KLHL5: variants seen among roughly 807,000 people sequenced by gnomAD.
KLHL5 encodes the protein kelch like family member 5, also known as kelch-like protein 5.
Under a neutral mutation model 77.7 loss-of-function variants are expected in KLHL5, and 48 were observed. That is an observed-to-expected ratio of 0.62 (90% confidence interval 0.49 to 0.79). The LOEUF is 0.79. Among genes scored for constraint, KLHL5 ranks in the 30% least tolerant of loss-of-function variants. The pLI is 0.00. For synonymous variants in KLHL5, 260 were observed against 297.0 expected (o/e 0.88, Z 1.28); for missense variants, 723 against 859.7 (o/e 0.84, Z 1.99).
Position 39,115,310 on chromosome 4 carries a change from C to T in KLHL5, c.2053C>T (p.Gln685Ter). Residue 685 changes from glutamine to a stop codon, truncating the protein, a stop_gained, in exon 10 of 11, where the codon CAG (glutamine) becomes TAG (stop). Transcript: ENST00000504108. LOFTEE classifies it high-confidence loss of function. ...YLNTVEAYDP[Q>*]TNEWTQVAPL... ...TAATACTGTGGAGGCTTATGATCCC[C>T]AGACAAATGAGTGGACCCAGGTATG... 6.2e-7 allele frequency: 1 copy of T among 1,613,976 alleles called. No homozygotes were observed. Among genetic ancestry groups the T allele is most frequent in the Non-Finnish European group, 8.5e-7 (1 of 1,179,930 alleles).
At chr4:39,133,543 G>C in the KLHL5 span, among the ~76,000 whole-genome samples, 3 of 148,512 alleles carry the variant, frequency 2.0e-5, no homozygotes, top group African/African-American at 5.0e-5. Flanking sequence ...AACCAGCCTG[G>C]ACAACATAGC....
intron 5 of KLHL5, among the ~76,000 whole-genome samples, chr4:39,087,532 A>T (rs1396239266): frequency 6.6e-6 from 1 of 152,158 alleles, no homozygotes; most frequent in Non-Finnish European, 1.5e-5. Context: ...ACCTCACAGG[A>T]TTATTATAAG....
chr4:39,062,144 A>AT (rs752530393), upstream of KLHL5: 259 of 667,846 alleles, frequency 3.9e-4, no homozygotes, highest in Non-Finnish European at 4.5e-4. Flanking sequence ...TAAAGTGATT[A>AT]TTTTTAAGTA....
intron 4 of KLHL5, among the ~76,000 whole-genome samples, chr4:39,082,789 A>G (rs1259892094): frequency 1.3e-5 from 2 of 152,190 alleles, no homozygotes; most frequent in Non-Finnish European, 2.9e-5. Flanking sequence ...AAAGTTAAAA[A>G]ATGGATTGAC....
chr4:39,073,134 C>T (rs778363865), intron 1 of KLHL5, among the ~76,000 whole-genome samples: 3 of 152,040 alleles, frequency 2.0e-5, no homozygotes, highest in East Asian at 1.9e-4. Context: ...ATCTCGCCTC[C>T]GACCTATTGA....
At chr4:39,126,883 C>T, downstream of KLHL5, 1 of 384,428 alleles carries the variant, frequency 2.6e-6, no homozygotes, top group Non-Finnish European at 5.1e-6. Context: ...TTTTATACAT[C>T]TCCGGAATGA....
At chr4:39,048,712 C>T (rs1487226839) in intron 1 of KLHL5, among the ~76,000 whole-genome samples, 4 of 129,664 alleles carry the variant, frequency 3.1e-5, no homozygotes, top group Non-Finnish European at 4.6e-5. Flanking sequence ...GGCATGATCT[C>T]AGCTCACTGC....
intron 7 of KLHL5, among the ~76,000 whole-genome samples, chr4:39,107,284 G>A (rs1359068698): frequency 1.3e-5 from 2 of 152,042 alleles, no homozygotes; most frequent in Non-Finnish European, 2.9e-5. Flanking sequence ...CTGACCTCAA[G>A]TGATCCTCCC....
chr4:39,113,193 C>A lies in KLHL5; in HGVS notation c.1862C>A (p.Ala621Glu). The A allele has an allele frequency of 6.2e-7, 1 of 1,614,064 alleles. No individual in the cohort carries two copies. The change falls in exon 9 of 11, where the codon GCA (alanine) becomes GAA (glutamate). Residue 621 changes from alanine to glutamate, a missense_variant. By Grantham distance (107) the Ala-to-Glu change is moderately radical. Transcript: ENST00000504108. ...GCTATAGGGGGGCACGATGCTCCCG[C>A]ATCCAACTTGACTTCCAGACTCTCA... ...LYAIGGHDAPASNLTSRLSDC... is the reference protein window; with the variant it reads ...LYAIGGHDAPESNLTSRLSDC...
At chr4:39,133,889 C>G in the KLHL5 span, 1 of 152,134 alleles carries the variant, frequency 6.6e-6, no homozygotes, top group African/African-American at 2.4e-5. Flanking sequence ...ATAGCTGTGA[C>G]AGCGACTATA....
chr4:39,135,032 A>C, the KLHL5 span, among the ~76,000 whole-genome samples: 1 of 152,202 alleles, frequency 6.6e-6, no homozygotes, highest in African/African-American at 2.4e-5. Flanking sequence ...TCACAGGGTA[A>C]TCTGAACAGG....
intron 5 of KLHL5, among the ~76,000 whole-genome samples, chr4:39,093,668 G>A (rs565392272): frequency 5.9e-4 from 90 of 152,304 alleles, no homozygotes; most frequent in Non-Finnish European, 8.2e-4. Context: ...CACTGTGGGA[G>A]GCCAAGGTGG....
chr4:39,101,724 C>T (rs867248613), intron 6 of KLHL5, among the ~76,000 whole-genome samples: 2 of 151,308 alleles, frequency 1.3e-5, no homozygotes, highest in Non-Finnish European at 2.9e-5. Flanking sequence ...TGGTACATAC[C>T]TGTAATCCCG....
intron 1 of KLHL5, among the ~76,000 whole-genome samples, chr4:39,049,883 C>G (rs1022135885): frequency 6.6e-6 from 1 of 151,768 alleles, no homozygotes; most frequent in Non-Finnish European, 1.5e-5. Context: ...ACCAGCCTGG[C>G]CAACATGGTG....
chr4:39,103,134 A>G (rs1721741724), intron 6 of KLHL5, among the ~76,000 whole-genome samples, 153 bp from the exon 7 acceptor site: 1 of 152,208 alleles, frequency 6.6e-6, no homozygotes, highest in African/African-American at 2.4e-5. Context: ...ACACAGAGGT[A>G]GGCAGAGGCT....
the KLHL5 span, among the ~76,000 whole-genome samples, chr4:39,136,754 G>T: frequency 6.6e-6 from 1 of 152,202 alleles, no homozygotes; most frequent in African/African-American, 2.4e-5. Context: ...GCCTGGGCAC[G>T]ATGGGGAAGG....
intron 1 of KLHL5, among the ~76,000 whole-genome samples, chr4:39,055,092 T>A (rs764879892): frequency 1.3e-5 from 2 of 152,244 alleles, no homozygotes; most frequent in Non-Finnish European, 2.9e-5. Context: ...GGATAAAGGC[T>A]GGATAATTCT....
intron 6 of KLHL5, among the ~76,000 whole-genome samples, chr4:39,102,384 T>TAAAAAA (rs542878375): frequency 7.5e-6 from 1 of 133,142 alleles, no homozygotes; most frequent in East Asian, 2.1e-4. Flanking sequence ...TTCCAATTCT[T>TAAAAAA]AAAAAAAAAA....
Position 39,122,522 on chromosome 4 carries a change from C to T in KLHL5, c.*1456C>T, listed in dbSNP as rs533570514. Among the ~76,000 whole-genome samples, 1 of 152,190 alleles carries T rather than the reference C, an allele frequency of 6.6e-6. No homozygotes were observed. The highest frequency in any genetic ancestry group is 2.1e-4 in the South Asian group (1 of 4,824). ...CCACTAGGTAGAAAAAGAAAGATTT[C>T]GGCCGGGCACAGTGGCTCACGCCTA... On this transcript the variant is annotated 3_prime_UTR_variant, in exon 11 of 11. Coordinates refer to ENST00000504108, the MANE Select transcript of KLHL5 (RefSeq NM_015990.5).
Sources: gnomAD v4.1 joint callset for allele counts (sites outside exome capture counted in the v4.1 genomes callset) on GRCh38, gnomAD v4.1.1 for gene constraint, MANE v1.5 for transcripts, NCBI Gene and HGNC (gene_info 2026-07-23, HGNC 2026-07-21) for gene names.